Variants in TCF24 observed in about 807,000 individuals in gnomAD.
TCF24 encodes transcription factor 24.
Under a neutral mutation model 9.3 loss-of-function variants are expected in TCF24, and 5 were observed. The observed-to-expected ratio is 0.54, with a 90% CI of 0.28 to 1.13. The LOEUF is 1.13. Ranked by LOEUF, TCF24 falls within the 50% of genes most tolerant of loss-of-function variation. The probability of loss-of-function intolerance (pLI) is 0.09; values close to 1 mark genes in which losing one functional copy is unlikely to be tolerated. For missense variants in TCF24, 220 were observed against 236.1 expected (o/e 0.93, Z 0.45); for synonymous variants, 110 against 115.8 (o/e 0.95, Z 0.32).
At chr8:66,948,598 GTTCT>G (rs1813999476) in intron 3 of TCF24, among the ~76,000 whole-genome samples, 1 of 152,152 alleles carries the variant, frequency 6.6e-6, no homozygotes, top group Non-Finnish European at 1.5e-5. Flanking sequence ...ATTTTAAAAA[GTTCT>G]ATGTGGTATT....
At chr8:66,955,903 C>G (rs1323035544) in intron 3 of TCF24, among the ~76,000 whole-genome samples, 1 of 151,984 alleles carries the variant, frequency 6.6e-6, no homozygotes, top group African/African-American at 2.4e-5. Context: ...CAACCAAAGT[C>G]CTAATTTTTA....
chr8:66,959,821 T>C (rs1001953710), intron 3 of TCF24, among the ~76,000 whole-genome samples: 1 of 152,208 alleles, frequency 6.6e-6, no homozygotes, highest in East Asian at 1.9e-4. Context: ...AAACAATCAA[T>C]ATTTACAAAT....
At position 66,961,587 on chromosome 8, in the gene TCF24, C is replaced by T; in HGVS notation, c.179G>A (p.Ser60Asn). Residue 60 changes from serine (S) to asparagine (N), a missense_variant, in exon 3 of 4, where the codon AGC (serine) becomes AAC (asparagine). Ser to Asn is a conservative substitution (Grantham distance 46). Coordinates refer to ENST00000563496, the MANE Select transcript of TCF24 (RefSeq NM_001193502.2). ...AGCGTGCCGCAGGGTCTGCACCCGG[C>T]TGCGCTCCCGCGCCGCATTCGCCGC... ...PAAANAARERSRVQTLRHAFL... is the reference protein window; with the variant it reads ...PAAANAARERNRVQTLRHAFL... 1 of 1,393,362 alleles carries T rather than the reference C, an allele frequency of 7.2e-7. No homozygotes were observed. The highest frequency in any genetic ancestry group is 9.3e-7 in the Non-Finnish European group (1 of 1,072,230). 86.3% of individuals were successfully genotyped at this position (1,393,362 alleles called of 1,614,324 possible). A position where few individuals can be genotyped will look rare whatever the true frequency, so the allele number is the denominator to read the frequency against.
At chr8:66,957,895 TAAAAAAAAAAAAAAAA>T (rs11299517) in intron 3 of TCF24, among the ~76,000 whole-genome samples, 4 of 43,036 alleles carry the variant, frequency 9.3e-5, no homozygotes, top group African/African-American at 1.7e-4. Context: ...TAAGAATTGC[TAAAAAAAAAAAAAAAA>T]AAAAAAAAAA....
chr8:66,954,119 C>G (rs1814108519), intron 3 of TCF24, among the ~76,000 whole-genome samples: 1 of 152,230 alleles, frequency 6.6e-6, no homozygotes, highest in African/African-American at 2.4e-5. Flanking sequence ...CTCCATCCAG[C>G]TTTGTTCCGT....
intron 3 of TCF24, among the ~76,000 whole-genome samples, chr8:66,951,420 C>G (rs1225951404): frequency 1.5e-4 from 22 of 145,720 alleles, no homozygotes; most frequent in Admixed American, 3.4e-4. Context: ...ATTGAACCAG[C>G]CTTGCATCCC....
chr8:66,957,528 G>A (rs998445554), intron 3 of TCF24, among the ~76,000 whole-genome samples: 7 of 151,884 alleles, frequency 4.6e-5, no homozygotes, highest in African/African-American at 7.3e-5. Flanking sequence ...TAGCCCTTCC[G>A]AGGAACTAAA....
chr8:66,954,072 G>C (rs888924686), intron 3 of TCF24, among the ~76,000 whole-genome samples: 1 of 152,094 alleles, frequency 6.6e-6, no homozygotes, highest in Non-Finnish European at 1.5e-5. Flanking sequence ...TAATTTGATC[G>C]TCTGAAGCCT....
chr8:66,959,781 CATT>C (rs1177902348), intron 3 of TCF24, among the ~76,000 whole-genome samples: 1 of 152,164 alleles, frequency 6.6e-6, no homozygotes, highest in African/African-American at 2.4e-5. Context: ...GGCTTTGGAT[CATT>C]ATCTCTAGAG....
intron 3 of TCF24, among the ~76,000 whole-genome samples, chr8:66,960,074 T>C (rs1345828483): frequency 6.6e-6 from 1 of 152,188 alleles, no homozygotes; most frequent in Admixed American, 6.5e-5. Context: ...TTAGAGTATA[T>C]GGCAAATGTC....
At chr8:66,949,031 A>G (rs1349386730) in intron 3 of TCF24, among the ~76,000 whole-genome samples, 1 of 152,166 alleles carries the variant, frequency 6.6e-6, no homozygotes, top group Non-Finnish European at 1.5e-5. Flanking sequence ...AAATATTAGA[A>G]TATTTGGTAT....
Position 66,961,667 on chromosome 8 carries a change from C to CCCGGT in TCF24, c.94_98dup (p.Pro36ArgfsTer114), listed in dbSNP as rs1814257664. ...CGCCCCCAGGGCCCGCCGGCCCCGG[C>CCCGGT]CCGGTCCGCCCGGGACGCGAGTCGC... On this transcript the variant is annotated frameshift_variant, in exon 3 of 4. Coordinates refer to ENST00000563496, the MANE Select transcript of TCF24 (RefSeq NM_001193502.2). LOFTEE classifies it high-confidence loss of function. 11 of 1,114,416 alleles carry CCCGGT rather than the reference C, an allele frequency of 9.9e-6. No individual in the cohort carries two copies. Among genetic ancestry groups the CCCGGT allele is most frequent in the Non-Finnish European group, 1.2e-5 (11 of 914,136 alleles). 69.0% of individuals were successfully genotyped at this position (1,114,416 alleles called of 1,614,324 possible). A position where few individuals can be genotyped will look rare whatever the true frequency, so the allele number is the denominator to read the frequency against.
Position 66,961,428 on chromosome 8 carries a change from G to A in TCF24, c.338C>T (p.Ala113Val), listed in dbSNP as rs910474864. Residue 113 changes from alanine to valine, a missense_variant, in exon 3 of 4, where the codon GCG (alanine) becomes GTG (valine). Transcript: ENST00000563496. ...RSLQDDAEAP[A>V]DAGLGALRGD... ...GCGCAGGGCGCCCAACCCGGCGTCC[G>A]CCGGCGCCTCGGCGTCGTCCTGCAG... 2.0e-6 allele frequency: 3 copies of A among 1,519,566 alleles called. No homozygotes were observed. The highest frequency in any genetic ancestry group is 2.6e-5 in the East Asian group (1 of 39,124). The allele number at this position is 1,519,566 out of a possible 1,614,324, so 94.1% of individuals were successfully genotyped here.
At chr8:66,949,541 T>C (rs1364339559) in intron 3 of TCF24, among the ~76,000 whole-genome samples, 1 of 152,216 alleles carries the variant, frequency 6.6e-6, no homozygotes, top group Non-Finnish European at 1.5e-5. Flanking sequence ...TCTTTGCTAT[T>C]GTGAATAATG....
In TCF24 at chr8:66,961,403, G is replaced by A. The variant is rs528167113; in HGVS notation, c.363C>T (p.Arg121=). The A allele has an allele frequency of 6.4e-4, 967 of 1,509,006 alleles. 11 individuals are homozygous for A. In the South Asian group the frequency reaches 0.01, roughly 16 times the overall value. The allele number at this position is 1,509,006 out of a possible 1,614,324, so 93.5% of individuals were successfully genotyped here. A position where few individuals can be genotyped will look rare whatever the true frequency, so the allele number is the denominator to read the frequency against. The stretch of plus-strand genomic sequence containing the variant: ...TGACCGGGTGCAGGTAGCCATCGCC[G>A]CGCAGGGCGCCCAACCCGGCGTCCG... ...APADAGLGAL[R]GDGYLHPVKK... The change falls in exon 3 of 4, where the codon CGC becomes CGT. Residue 121 remains arginine, a synonymous_variant. Transcript: ENST00000563496.
chr8:66,961,867 G>A lies in TCF24; in HGVS notation c.-24+10C>T. The A allele has an allele frequency of 3.1e-6, 3 of 962,502 alleles. No homozygotes were observed. The highest frequency in any genetic ancestry group is 3.7e-6 in the Non-Finnish European group (3 of 805,342). 59.6% of individuals were successfully genotyped at this position (962,502 alleles called of 1,614,324 possible). A position where few individuals can be genotyped will look rare whatever the true frequency, so the allele number is the denominator to read the frequency against. On this transcript the variant is annotated intron_variant, in intron 2 of 3. Transcript: ENST00000563496. ...GAGGCGCAGCCCCCTGGTTCTCCCC[G>A]TGCGCCCACCAGCAGCCCAACGGGG...
rs949311514 is a variant in TCF24, at chr8:66,947,878, A to G, written c.*173T>C. ...TGAACAGATAAGCTGTGTGTTTTAT[A>G]TAACACTGATTATTTCATTCCACAT... is the stretch of plus-strand genomic sequence containing the variant. On this transcript the variant is annotated 3_prime_UTR_variant, in exon 4 of 4. Coordinates refer to ENST00000563496, the MANE Select transcript of TCF24 (RefSeq NM_001193502.2). The G allele has an allele frequency of 7.7e-6, 4 of 520,654 alleles. No homozygotes were observed. The highest frequency in any genetic ancestry group is 5.7e-5 in the African/African-American group (3 of 52,582). 32.3% of individuals were successfully genotyped at this position (520,654 alleles called of 1,614,324 possible). A position where few individuals can be genotyped will look rare whatever the true frequency, so the allele number is the denominator to read the frequency against.
intron 3 of TCF24, among the ~76,000 whole-genome samples, chr8:66,948,788 T>G (rs1409607659): frequency 6.6e-6 from 1 of 152,138 alleles, no homozygotes; most frequent in Non-Finnish European, 1.5e-5. Flanking sequence ...CTCCATCTCC[T>G]GGGTTCAAGT....
In TCF24 at chr8:66,947,336, G is replaced by C. The variant is rs554602934; in HGVS notation, c.*715C>G. On this transcript the variant is annotated 3_prime_UTR_variant, in exon 4 of 4. Coordinates refer to ENST00000563496, the MANE Select transcript of TCF24 (RefSeq NM_001193502.2). Reference sequence around the variant, plus strand: ...ATCTCTACAAAAAATAAAAGAATTAGCCAGGTGTGGTGACATGCACCTACA... The same window carrying C: ...ATCTCTACAAAAAATAAAAGAATTACCCAGGTGTGGTGACATGCACCTACA... 4 of 152,196 alleles carry C rather than the reference G, an allele frequency of 2.6e-5. No homozygotes were observed. The highest frequency in any genetic ancestry group is 5.9e-5 in the Non-Finnish European group (4 of 68,068). The allele number at this position is 152,196 out of a possible 1,614,324, so 9.4% of individuals were successfully genotyped here.
Sources: allele counts gnomAD v4.1 joint callset (sites outside exome capture counted in the v4.1 genomes callset), GRCh38; gene constraint gnomAD v4.1.1; transcripts MANE v1.5; gene names NCBI Gene and HGNC (gene_info 2026-07-23, HGNC 2026-07-21).